The following SEM1 variants were observed in gnomAD, a reference collection of about 807,000 sequenced individuals.
SEM1 encodes the protein SEM1 26S proteasome subunit.
SEM1 carries 3 observed loss-of-function variants against 12.7 expected under a neutral mutation model. That is an observed-to-expected ratio of 0.24 (90% CI 0.11 to 0.61). The LOEUF is 0.61. SEM1 is among the 20% of genes least tolerant of loss of function. The pLI, the probability that SEM1 is intolerant of heterozygous loss-of-function variation, is 0.88. For missense variants in SEM1, 59 were observed against 81.3 expected, an observed-to-expected ratio of 0.73 and a Z score of 1.06; for synonymous variants, 30 against 27.8, an observed-to-expected ratio of 1.08 and a Z score of -0.25.
rs971037893 is a variant in SEM1, at chr7:96,568,735, T to A, written c.171-62037A>T. Among the ~76,000 whole-genome samples, 6 of 151,850 alleles carry A rather than the reference T, an allele frequency of 4.0e-5. No homozygotes were observed. In the East Asian group the frequency reaches 1.2e-3, roughly 29 times the overall value. Reference sequence around the variant, plus strand: ...TCATTTAGCTCCTAACATTTAAAAATTTTTTATAATTTAGGTATTTATCAC... The same window carrying A: ...TCATTTAGCTCCTAACATTTAAAAAATTTTTATAATTTAGGTATTTATCAC... On this transcript the variant is annotated intron_variant and NMD_transcript_variant, in intron 2 of 3. Coordinates refer to the SEM1 transcript ENST00000466986.
chr7:96,663,161 G>A (rs568632000), intron 2 of SEM1, among the ~76,000 whole-genome samples: 1 of 152,094 alleles, frequency 6.6e-6, no homozygotes, highest in African/African-American at 2.4e-5. Flanking sequence ...AAAAAAAGTG[G>A]AGGGAAATAC....
At chr7:96,620,801 TTGTC>T (rs1807868939), downstream of SEM1, among the ~76,000 whole-genome samples, 1 of 152,218 alleles carries the variant, frequency 6.6e-6, no homozygotes. Context: ...TCCCCTCCCA[TTGTC>T]TGTTGTGCTC....
chr7:96,530,078 G>T (rs889023471), intron 2 of SEM1, among the ~76,000 whole-genome samples: 3 of 152,056 alleles, frequency 2.0e-5, no homozygotes, highest in Non-Finnish European at 4.4e-5. Flanking sequence ...GTGGTTCTTT[G>T]TGGCTCCCGT....
chr7:96,585,835 G>A (rs148605918), intron 2 of SEM1, among the ~76,000 whole-genome samples: 21 of 152,102 alleles, frequency 1.4e-4, no homozygotes, highest in Non-Finnish European at 3.1e-4. Flanking sequence ...CTTGCACACG[G>A]TGCGCGCACC....
Position 96,588,690 on chromosome 7 carries a change from C to T in SEM1, c.171-81992G>A, listed in dbSNP as rs5012850. Reference sequence around the variant, plus strand: ...CTGAGGCAGGAGGATTGCTTGAGCCCAGGACATGGAGACTGCAGTGAGCCG... The same window carrying T: ...CTGAGGCAGGAGGATTGCTTGAGCCTAGGACATGGAGACTGCAGTGAGCCG... On this transcript the variant is annotated intron_variant and NMD_transcript_variant, in intron 2 of 3. Transcript: ENST00000466986. Among the ~76,000 whole-genome samples, 43 of 152,206 alleles carry T rather than the reference C, an allele frequency of 2.8e-4. No homozygotes were observed. The East Asian group carries it at 5.2e-3, about 18-fold the overall frequency.
At chr7:96,583,871 C>G (rs1439797810) in intron 2 of SEM1, among the ~76,000 whole-genome samples, 2 of 150,740 alleles carry the variant, frequency 1.3e-5, no homozygotes, top group Admixed American at 1.4e-4. Context: ...TGTCTCTGCA[C>G]GTGAGATGGG....
chr7:96,625,090 A>G (rs1176491913), intron 2 of SEM1, among the ~76,000 whole-genome samples: 2 of 151,980 alleles, frequency 1.3e-5, no homozygotes, highest in African/African-American at 2.4e-5. Flanking sequence ...CTGCTTTTGG[A>G]GTGTTAAAGG....
At chr7:96,705,447 C>T (rs527939041) in intron 1 of SEM1, among the ~76,000 whole-genome samples, 52 of 151,674 alleles carry the variant, frequency 3.4e-4, no homozygotes, top group Admixed American at 5.9e-4. Flanking sequence ...CTCTTTTACT[C>T]GAATCCACAT....
rs191110212 is a variant in SEM1 at position 96,539,117 on chromosome 7, A to T, written c.171-32419T>A. Among the ~76,000 whole-genome samples the T allele has an allele frequency of 8.6e-5, 13 of 151,926 alleles. No homozygotes were observed. The East Asian group carries it at 2.5e-3, about 30-fold the overall frequency. On this transcript the variant is annotated intron_variant and NMD_transcript_variant, in intron 2 of 3. Coordinates refer to the SEM1 transcript ENST00000466986. ...AAGATACTGAGAATGACCTCTAGCC[A>T]TCAGCCCTCAAGGAACTGAATCCTG...
chr7:96,663,515 GAGA>G (rs1789075899), intron 2 of SEM1, among the ~76,000 whole-genome samples: 2 of 152,258 alleles, frequency 1.3e-5, no homozygotes, highest in Non-Finnish European at 1.5e-5. Flanking sequence ...AGAGAGGGGC[GAGA>G]AGAAGGATTG....
intron 2 of SEM1, among the ~76,000 whole-genome samples, chr7:96,549,753 T>G (rs1805209211): frequency 6.6e-6 from 1 of 152,196 alleles, no homozygotes; most frequent in Non-Finnish European, 1.5e-5. Context: ...CCAAATGTTC[T>G]TATTTAGTTC....
upstream of SEM1, among the ~76,000 whole-genome samples, chr7:96,500,634 C>T (rs1199295397): frequency 6.6e-6 from 1 of 152,074 alleles, no homozygotes; most frequent in African/African-American, 2.4e-5. Flanking sequence ...GAGATCTCAG[C>T]TTTAATGCAT....
At chr7:96,554,547 C>T (rs1445931099) in intron 2 of SEM1, among the ~76,000 whole-genome samples, 4 of 147,796 alleles carry the variant, frequency 2.7e-5, no homozygotes, top group Admixed American at 1.4e-4. Context: ...GGATGAAGCC[C>T]ACTTGATCAT....
intron 2 of SEM1, among the ~76,000 whole-genome samples, chr7:96,579,550 A>G (rs1371836288): frequency 6.6e-6 from 1 of 152,230 alleles, no homozygotes; most frequent in Non-Finnish European, 1.5e-5. Context: ...ACATTGCAGC[A>G]ATAGAAGAGA....
intron 2 of SEM1, among the ~76,000 whole-genome samples, chr7:96,600,683 C>T (rs572460097): frequency 3.3e-5 from 5 of 152,204 alleles, no homozygotes; most frequent in East Asian, 1.9e-4. Flanking sequence ...TTTAAAGCAA[C>T]GGTAATGACA....
At chr7:96,603,886 T>G (rs1291504720) in intron 2 of SEM1, among the ~76,000 whole-genome samples, 3 of 834 alleles carry the variant, frequency 3.6e-3, no homozygotes, top group East Asian at 0.5. Flanking sequence ...TACAGGATAG[T>G]TTTTTTTTTT....
At chr7:96,673,451 A>C, downstream of SEM1, 1 of 289,802 alleles carries the variant, frequency 3.5e-6, no homozygotes, top group Non-Finnish European at 6.7e-6. Flanking sequence ...TCCACTGAAC[A>C]CTGGTGACTG....
intron 3 of SEM1, among the ~76,000 whole-genome samples, chr7:96,502,705 A>G (rs941545837): frequency 1.3e-5 from 2 of 152,218 alleles, no homozygotes; most frequent in African/African-American, 2.4e-5. Flanking sequence ...ATTCCAGAAT[A>G]GAAAAATTTC....
intron 2 of SEM1, chr7:96,650,508 T>C (rs1317264526): frequency 2.6e-6 from 2 of 754,848 alleles, no homozygotes; most frequent in African/African-American, 3.4e-5. Context: ...AGCTCAGGGC[T>C]TTTTCTCACA....
Sources: gnomAD v4.1 joint callset for allele counts (sites outside exome capture counted in the v4.1 genomes callset) on GRCh38, gnomAD v4.1.1 for gene constraint, MANE v1.5 for transcripts, NCBI Gene and HGNC (gene_info 2026-07-23, HGNC 2026-07-21) for gene names.